The following LMX1A variants were observed in gnomAD, a reference collection of about 807,000 sequenced individuals.
LMX1A encodes LIM homeobox transcription factor 1-alpha.
Under a neutral mutation model 49.1 loss-of-function variants are expected in LMX1A, and 15 were observed. That is an observed-to-expected ratio of 0.31 (90% confidence interval 0.20 to 0.47). The LOEUF is 0.47. LMX1A is among the 20% of genes least tolerant of loss of function. The pLI, the probability that LMX1A is intolerant of heterozygous loss-of-function variation, is 1.00. For synonymous variants in LMX1A, 167 were observed against 185.7 expected, an observed-to-expected ratio of 0.90 and a Z score of 0.82; for missense variants, 372 against 475.8, an observed-to-expected ratio of 0.78 and a Z score of 2.03.
chr1:165,306,943 G>A (rs1466515112), intron 3 of LMX1A, among the ~76,000 whole-genome samples: 1 of 152,202 alleles, frequency 6.6e-6, no homozygotes, highest in African/African-American at 2.4e-5. Flanking sequence ...AGCAGGAGAG[G>A]GGCTCAGCCT....
chr1:165,284,980 A>G (rs149951640), intron 3 of LMX1A, among the ~76,000 whole-genome samples: 2 of 152,350 alleles, frequency 1.3e-5, no homozygotes, highest in African/African-American at 2.4e-5. Context: ...TATCTGTGAA[A>G]TGGGTTGACC....
chr1:165,264,820 T>C (rs1406931869), intron 3 of LMX1A, among the ~76,000 whole-genome samples: 1 of 151,548 alleles, frequency 6.6e-6, no homozygotes, highest in Admixed American at 6.6e-5. Context: ...TAGGGGAGGA[T>C]TACTTGAGCC....
At chr1:165,218,109 G>GAAAAA (rs1557852192) in intron 4 of LMX1A, among the ~76,000 whole-genome samples, 1 of 152,172 alleles carries the variant, frequency 6.6e-6, no homozygotes, top group Admixed American at 6.5e-5. Context: ...CAGGCATCAG[G>GAAAAA]CCAGATTTGG....
rs1157687197 is a variant in LMX1A, at chr1:165,353,113, G to A, written c.226C>T (p.Arg76Trp). ...TACTTGCAGTACAGCTTCTTGTCCC[G>A]GTAGAAGCAGGTGGTCTCCAGGGGC... Reference protein sequence around the residue: ...KEPLETTCFYRDKKLYCKYDY... With the variant: ...KEPLETTCFYWDKKLYCKYDY... Residue 76 changes from arginine to tryptophan, a missense_variant, in exon 3 of 9, where the codon CGG becomes TGG. Arg to Trp is a moderately radical substitution (Grantham distance 101). Coordinates refer to ENST00000342310, the MANE Select transcript of LMX1A (RefSeq NM_177398.4). The A allele has an allele frequency of 1.2e-6, 2 of 1,614,062 alleles. No individual in the cohort carries two copies. The highest frequency in any genetic ancestry group is 1.7e-6 in the Non-Finnish European group (2 of 1,180,024).
At chr1:165,309,571 G>A (rs779265320) in intron 3 of LMX1A, among the ~76,000 whole-genome samples, 1 of 152,158 alleles carries the variant, frequency 6.6e-6, no homozygotes, top group Non-Finnish European at 1.5e-5. Context: ...GCCAAGATCT[G>A]CCCAATCCTT....
chr1:165,310,649 C>T (rs1480701600), intron 3 of LMX1A, among the ~76,000 whole-genome samples: 1 of 152,148 alleles, frequency 6.6e-6, no homozygotes, highest in Admixed American at 6.5e-5. Flanking sequence ...TGTTATTCTC[C>T]CCGTTTCCTT....
chr1:165,341,250 C>G (rs1656066850), intron 3 of LMX1A, among the ~76,000 whole-genome samples: 1 of 152,166 alleles, frequency 6.6e-6, no homozygotes, highest in Non-Finnish European at 1.5e-5. Flanking sequence ...GTGGCACCAC[C>G]ATGTCCATGA....
intron 3 of LMX1A, among the ~76,000 whole-genome samples, chr1:165,265,089 G>A (rs1445709388): frequency 7.3e-5 from 11 of 151,606 alleles, no homozygotes; most frequent in South Asian, 2.1e-4. Flanking sequence ...CTGTAGTTCC[G>A]GCTACTCAGG....
In LMX1A at chr1:165,202,297, C is replaced by A. The variant is rs1460438041; in HGVS notation, c.*1583G>T. ...ACTTCCTAGCACAGAACAATACCAT[C>A]CTAGCACCGCAACTGGAGACCAGGG... On this transcript the variant is annotated 3_prime_UTR_variant, in exon 9 of 9. Coordinates refer to ENST00000342310, the MANE Select transcript of LMX1A (RefSeq NM_177398.4). 2.0e-5 allele frequency: 3 copies of A among 152,668 alleles called. No homozygotes were observed. The highest frequency in any genetic ancestry group is 2.0e-4 in the Admixed American group (3 of 15,272). 9.5% of individuals were successfully genotyped at this position (152,668 alleles called of 1,614,324 possible).
Position 165,205,988 on chromosome 1 carries a change from G to A in LMX1A, c.864C>T (p.Asn288=), listed in dbSNP as rs774075863. 1 of 1,601,978 alleles carries A rather than the reference G, an allele frequency of 6.2e-7. No individual in the cohort carries two copies. Among genetic ancestry groups the A allele is most frequent in the Non-Finnish European group, 8.5e-7 (1 of 1,174,608 alleles). ...GGSAGMEGIM[N]PYTALPTPQQ... is the part of the protein sequence containing the mutation. ...GTGGGGTGGGCAGAGCCGTGTAGGG[G>A]TTCATGATTCCTTCCATCCCAGCAC... Residue 288 remains asparagine, a synonymous_variant, in exon 8 of 9, where the codon AAC becomes AAT. Transcript: ENST00000342310.
At chr1:165,221,733 C>A (rs1266198424) in intron 4 of LMX1A, among the ~76,000 whole-genome samples, 1 of 152,200 alleles carries the variant, frequency 6.6e-6, no homozygotes, top group African/African-American at 2.4e-5. Flanking sequence ...TCTCCCTTTG[C>A]TTTCCTCAGC....
Position 165,222,588 on chromosome 1 carries a change from T to C in LMX1A, c.497-8775A>G, listed in dbSNP as rs377611576. On this transcript the variant is annotated intron_variant, in intron 4 of 8. Coordinates refer to ENST00000342310, the MANE Select transcript of LMX1A (RefSeq NM_177398.4). ...GAAAAAGACCAAGACAACAATCCTG[T>C]AGGTGGTTAGGAAGGTGCGGTAAGT... 6.6e-5 allele frequency among the ~76,000 whole-genome samples: 10 copies of C among 152,350 alleles called. No individual in the cohort carries two copies. In the East Asian group the frequency reaches 1.9e-3, roughly 29 times the overall value.
intron 3 of LMX1A, among the ~76,000 whole-genome samples, chr1:165,262,948 A>C (rs1315068072): frequency 6.6e-6 from 1 of 152,196 alleles, no homozygotes; most frequent in Admixed American, 6.5e-5. Context: ...TGACCTCCAC[A>C]GTGTTTAGTC....
intron 4 of LMX1A, among the ~76,000 whole-genome samples, chr1:165,217,092 G>A (rs1651667726): frequency 6.6e-6 from 1 of 152,186 alleles, no homozygotes; most frequent in Non-Finnish European, 1.5e-5. Flanking sequence ...TCTCAGTTAA[G>A]GTTTTACACT....
intron 3 of LMX1A, among the ~76,000 whole-genome samples, chr1:165,345,678 C>T (rs540595591): frequency 6.6e-6 from 1 of 152,326 alleles, no homozygotes; most frequent in East Asian, 1.9e-4. Context: ...TACTCACCGT[C>T]TATTTGCCTG....
chr1:165,312,782 A>G (rs1277347924), intron 3 of LMX1A, among the ~76,000 whole-genome samples: 2 of 152,218 alleles, frequency 1.3e-5, no homozygotes, highest in African/African-American at 2.4e-5. Flanking sequence ...GTACCAAACA[A>G]CAACAAACCA....
In LMX1A at chr1:165,317,545, G is replaced by GA. The variant is rs567870991; in HGVS notation, c.263+35530dup. 1.4e-3 allele frequency among the ~76,000 whole-genome samples: 220 copies of GA among 152,294 alleles called. 1 individual carries two copies. Among genetic ancestry groups the GA allele is most frequent in the African/African-American group, 5.0e-3 (207 of 41,552 alleles). On this transcript the variant is annotated intron_variant, in intron 3 of 8. Coordinates refer to ENST00000342310, the MANE Select transcript of LMX1A (RefSeq NM_177398.4). The stretch of plus-strand genomic sequence containing the variant: ...TCAGCCAGGGCTCTTACCACACGGG[G>GA]AAAAAATAAAGCCATTCTGGGAACC...
chr1:165,258,850 TGTATTCAAACCTTG>T (rs1287243511), intron 3 of LMX1A, among the ~76,000 whole-genome samples: 1 of 152,246 alleles, frequency 6.6e-6, no homozygotes, highest in Non-Finnish European at 1.5e-5. Flanking sequence ...TGATTAAACC[TGTATTCAAACCTTG>T]GTTCTATCTT....
chr1:165,288,873 A>G (rs868780275), intron 3 of LMX1A, among the ~76,000 whole-genome samples: 2 of 152,236 alleles, frequency 1.3e-5, no homozygotes, highest in Admixed American at 6.5e-5. Context: ...TGAAGCAAAC[A>G]GTCTCAGAAG....
Sources: allele counts gnomAD v4.1 joint callset (sites outside exome capture counted in the v4.1 genomes callset), GRCh38; gene constraint gnomAD v4.1.1; transcripts MANE v1.5; gene names NCBI Gene and HGNC (gene_info 2026-07-23, HGNC 2026-07-21).